Variants in SLC35F4 observed in about 807,000 individuals in gnomAD.
SLC35F4 encodes solute carrier family 35 member F4.
In SLC35F4, 24 loss-of-function variants were observed where a neutral mutation model predicts 44.2. The observed-to-expected ratio is 0.54, with a 90% CI of 0.39 to 0.76. The LOEUF is 0.76. SLC35F4 is among the 30% of genes least tolerant of loss of function. SLC35F4 has a pLI of 0.00. For synonymous variants in SLC35F4, 238 were observed against 223.6 expected (o/e 1.06, Z -0.57); for missense variants, 562 against 586.1 (o/e 0.96, Z 0.42).
intron 1 of SLC35F4, among the ~76,000 whole-genome samples, chr14:57,689,310 T>G (rs1010565062): frequency 1.3e-5 from 2 of 152,104 alleles, no homozygotes; most frequent in African/African-American, 4.8e-5. Flanking sequence ...CCTCCTAATT[T>G]CTTCTGGAGT....
intron 1 of SLC35F4, among the ~76,000 whole-genome samples, chr14:57,725,100 C>T (rs535127757): frequency 3.9e-5 from 6 of 152,056 alleles, no homozygotes; most frequent in Non-Finnish European, 8.8e-5. Flanking sequence ...AATGGGTGAC[C>T]CCAGCAGAGG....
intron 1 of SLC35F4, among the ~76,000 whole-genome samples, chr14:57,947,971 A>G (rs1754102117): frequency 6.6e-6 from 1 of 152,090 alleles, no homozygotes; most frequent in Non-Finnish European, 1.5e-5. Flanking sequence ...CATCAGAGGT[A>G]TTGGTCTATA....
At chr14:57,823,314 C>T (rs1883373461) in intron 1 of SLC35F4, among the ~76,000 whole-genome samples, 1 of 151,470 alleles carries the variant, frequency 6.6e-6, no homozygotes, top group South Asian at 2.1e-4. Context: ...GCATAAATGT[C>T]ATCTCCTCAC....
intron 1 of SLC35F4, among the ~76,000 whole-genome samples, chr14:57,906,829 A>G (rs934719856): frequency 2.6e-5 from 4 of 152,238 alleles, no homozygotes; most frequent in Admixed American, 6.5e-5. Context: ...AATACGTCCA[A>G]TGATCAAAGC....
intron 1 of SLC35F4, among the ~76,000 whole-genome samples, chr14:57,760,160 T>C (rs1212408210): frequency 2.0e-5 from 3 of 152,156 alleles, no homozygotes; most frequent in African/African-American, 7.2e-5. Flanking sequence ...TTTTATAGTT[T>C]TGGGTCTTGC....
rs571194985 is a variant in SLC35F4, at chr14:57,766,450, T to C, written c.103+99273A>G. 2.0e-5 allele frequency among the ~76,000 whole-genome samples: 3 copies of C among 152,274 alleles called. No individual in the cohort carries two copies. In the East Asian group the frequency reaches 5.8e-4, roughly 29 times the overall value. The stretch of plus-strand genomic sequence containing the variant: ...GTCAGAACAGTGGAAATGAAGATAG[T>C]TGGGTGCAGTAGAGTGAGAATATGG... On this transcript the variant is annotated intron_variant, in intron 1 of 7. Transcript: ENST00000556826.
chr14:57,754,823 C>A (rs995019178), intron 1 of SLC35F4, among the ~76,000 whole-genome samples: 1 of 152,204 alleles, frequency 6.6e-6, no homozygotes, highest in Non-Finnish European at 1.5e-5. Flanking sequence ...GGCAGAGACA[C>A]GTAGGAAAGC....
rs368820511 is a variant in SLC35F4 at position 57,589,375 on chromosome 14, A to C, written c.428T>G (p.Val143Gly). 6.2e-7 allele frequency: 1 copy of C among 1,613,830 alleles called. No homozygotes were observed. The highest frequency in any genetic ancestry group is 8.5e-7 in the Non-Finnish European group (1 of 1,179,880). ...LIILSVSSSW[V>G]GTTQIVKITY... The stretch of plus-strand genomic sequence containing the variant: ...AATTTTTACAATCTGTGTAGTTCCA[A>C]CCCAAGATGATGATACTGACAAGAT... The change falls in exon 3 of 8, where the codon GTT becomes GGT. Residue 143 changes from valine to glycine, a missense_variant. Transcript: ENST00000556826.
At chr14:57,954,796 CA>C (rs1192407941) in intron 1 of SLC35F4, among the ~76,000 whole-genome samples, 4 of 149,088 alleles carry the variant, frequency 2.7e-5, no homozygotes, top group African/African-American at 9.9e-5. Context: ...GCTTAACAAC[CA>C]AAAAAAAAGC....
At chr14:57,976,983 T>A (rs1881236154) in intron 1 of SLC35F4, 1 of 152,092 alleles carries the variant, frequency 6.6e-6, no homozygotes, top group Admixed American at 6.5e-5. Context: ...TAAACTAATT[T>A]AGATGCCTCA....
chr14:57,963,709 CTCCT>C (rs1469104346), intron 1 of SLC35F4, among the ~76,000 whole-genome samples: 25 of 124,512 alleles, frequency 2.0e-4, no homozygotes, highest in African/African-American at 6.8e-4. Flanking sequence ...TTCATTCTAG[CTCCT>C]TTTTTTTTTT....
At chr14:57,680,845 A>G (rs570546187) in intron 1 of SLC35F4, among the ~76,000 whole-genome samples, 8 of 152,270 alleles carry the variant, frequency 5.3e-5, no homozygotes, top group African/African-American at 1.9e-4. Context: ...GAGAACTACA[A>G]ACCACTGCTC....
At chr14:57,626,496 G>A (rs1188878117) in intron 1 of SLC35F4, among the ~76,000 whole-genome samples, 2 of 152,110 alleles carry the variant, frequency 1.3e-5, no homozygotes, top group Admixed American at 6.6e-5. Context: ...GACATCTGGG[G>A]ACTTCAGGAG....
Position 57,865,919 on chromosome 14 carries a change from A to G in SLC35F4, c.-94T>C, listed in dbSNP as rs1448428899. 3 of 781,638 alleles carry G rather than the reference A, an allele frequency of 3.8e-6. No individual in the cohort carries two copies. The highest frequency in any genetic ancestry group is 5.6e-6 in the Non-Finnish European group (3 of 532,330). 48.4% of individuals were successfully genotyped at this position (781,638 alleles called of 1,614,324 possible). On this transcript the variant is annotated 5_prime_UTR_variant, in exon 1 of 8. Coordinates refer to ENST00000556826, the MANE Select transcript of SLC35F4 (RefSeq NM_001306087.2). The stretch of plus-strand genomic sequence containing the variant: ...GCAGGTGCCGGAGCCGCTGGTGCTG[A>G]TCTTGCAGCTCCTGCTCCCGCGCCC...
intron 1 of SLC35F4, chr14:57,596,607 T>G (rs751525806): frequency 3.4e-5 from 15 of 444,982 alleles, no homozygotes; most frequent in Non-Finnish European, 6.8e-5. Context: ...TTGGCAATTA[T>G]ACATCAAAAG....
intron 1 of SLC35F4, among the ~76,000 whole-genome samples, chr14:57,737,574 T>G (rs1042844026): frequency 6.6e-6 from 1 of 152,026 alleles, no homozygotes; most frequent in African/African-American, 2.4e-5. Context: ...AGAGGTTAAA[T>G]GTATAAGCTG....
chr14:57,841,260 C>A (rs796767746), intron 1 of SLC35F4, among the ~76,000 whole-genome samples: 33 of 152,212 alleles, frequency 2.2e-4, no homozygotes, highest in African/African-American at 5.8e-4. Flanking sequence ...AGAGGGTGAG[C>A]AGGTTGTGAT....
intron 1 of SLC35F4, among the ~76,000 whole-genome samples, chr14:57,979,379 G>T (rs12435601): frequency 0.044 from 6,689 of 152,258 alleles, 196 homozygotes; most frequent in East Asian, 0.11. Context: ...GCAAGAGGTG[G>T]ACTATATTGA....
intron 1 of SLC35F4, among the ~76,000 whole-genome samples, chr14:57,800,624 A>G (rs2140851865): frequency 6.6e-6 from 1 of 152,264 alleles, no homozygotes; most frequent in East Asian, 1.9e-4. Context: ...TCATGATAAA[A>G]CAATACAGGA....
Sources: allele counts gnomAD v4.1 joint callset (sites outside exome capture counted in the v4.1 genomes callset), GRCh38; gene constraint gnomAD v4.1.1; transcripts MANE v1.5; gene names NCBI Gene and HGNC (gene_info 2026-07-23, HGNC 2026-07-21).